Variants in PGAP6 observed in about 807,000 individuals in gnomAD.
PGAP6 encodes the protein post-GPI attachment to proteins 6, also known as post-GPI attachment to proteins factor 6.
PGAP6 carries 62 observed loss-of-function variants against 68.4 expected under a neutral mutation model. The ratio of observed to expected loss-of-function variants is 0.91; its 90% CI spans 0.74 to 1.12. PGAP6 has a LOEUF of 1.12. Ranked by LOEUF, PGAP6 falls within the 50% of genes most tolerant of loss-of-function variation. PGAP6 has a pLI of 0.00. For synonymous variants in PGAP6, 575 were observed against 474.0 expected (o/e 1.21, Z -2.77); for missense variants, 1,188 against 1,068.5 (o/e 1.11, Z -1.56).
At position 371,586 on chromosome 16, in the gene PGAP6, A is replaced by T; in HGVS notation, c.*401T>A. On this transcript the variant is annotated 3_prime_UTR_variant, in exon 13 of 13. Coordinates refer to ENST00000431232, the MANE Select transcript of PGAP6 (RefSeq NM_021259.3). ...AGCTCCCGGCCCCAGTGGTGGGCTC[A>T]GGGCTCCTGGGCGCCATGGGTCTCA... is the stretch of plus-strand genomic sequence containing the variant. 2 of 188,112 alleles carry T rather than the reference A, an allele frequency of 1.1e-5. No individual in the cohort carries two copies. Among genetic ancestry groups the T allele is most frequent in the East Asian group, 1.6e-4 (1 of 6,318 alleles). The allele number at this position is 188,112 out of a possible 1,614,324, so 11.7% of individuals were successfully genotyped here. A position where few individuals can be genotyped will look rare whatever the true frequency, so the allele number is the denominator to read the frequency against.
At chr16:381,104 C>A (rs2054433548) in intron 1 of PGAP6, among the ~76,000 whole-genome samples, 1 of 152,242 alleles carries the variant, frequency 6.6e-6, no homozygotes, top group South Asian at 2.1e-4. Context: ...GCAAAGGGAG[C>A]CCGGCGAGTT....
intron 5 of PGAP6, 27 bp from the exon 6 acceptor site, chr16:376,482 G>A (rs934768653): frequency 3.2e-6 from 5 of 1,546,372 alleles, no homozygotes; most frequent in African/African-American, 1.4e-5. Context: ...GGGTTTGGCT[G>A]GAGGAAAGTC....
In PGAP6 at chr16:371,928, C is replaced by A; in HGVS notation, c.*59G>T. Reference sequence around the variant, plus strand: ...TCCAGGGCTGGACCAGGCGCCTCCCCCTCGATACAGCTCCTGGCTGAAGAG... The same window carrying A: ...TCCAGGGCTGGACCAGGCGCCTCCCACTCGATACAGCTCCTGGCTGAAGAG... On this transcript the variant is annotated 3_prime_UTR_variant, in exon 13 of 13. Coordinates refer to ENST00000431232, the MANE Select transcript of PGAP6 (RefSeq NM_021259.3). The A allele has an allele frequency of 6.4e-7, 1 of 1,563,950 alleles. No individual in the cohort carries two copies. The highest frequency in any genetic ancestry group is 1.2e-5 in the South Asian group (1 of 83,330).
intron 4 of PGAP6, 106 bp downstream of exon 4, chr16:376,931 T>A (rs1193070454): frequency 1.3e-6 from 2 of 1,561,216 alleles, no homozygotes; most frequent in Non-Finnish European, 1.7e-6. Flanking sequence ...CTGGACCACT[T>A]CCCAGCCCAA....
At chr16:382,487 A>G (rs2054452844), upstream of PGAP6, 3 of 369,498 alleles carry the variant, frequency 8.1e-6, no homozygotes, top group Non-Finnish European at 1.4e-5. Context: ...GGTGCGTGTC[A>G]GATCCACGCT....
At chr16:382,695 C>T (rs375493199), upstream of PGAP6, among the ~76,000 whole-genome samples, 59 of 145,538 alleles carry the variant, frequency 4.1e-4, no homozygotes, top group African/African-American at 1.3e-3. Flanking sequence ...AGGGCCAAGT[C>T]GGCTTTTCCA....
At chr16:374,515 G>A in intron 9 of PGAP6, 116 bp from the exon 10 acceptor site, 1 of 1,262,670 alleles carries the variant, frequency 7.9e-7, no homozygotes, top group Non-Finnish European at 1.1e-6. Flanking sequence ...AGCAGGGTAG[G>A]CACGGCGGGC....
rs150636710 is a variant in PGAP6, at chr16:376,581, G to A, written c.867C>T (p.Leu289=). ...CTACAGCACTGAAAGCCACTGTCCC[G>A]AGGGGCCCCACCAGGCTCTCAGCTG... ...QVTAESLVGP[L]GTVAFSAVAA... Residue 289 remains leucine, a synonymous_variant, in exon 5 of 13, where the codon CTC becomes CTT. Transcript: ENST00000431232. The A allele has an allele frequency of 7.1e-5, 111 of 1,573,606 alleles. 1 individual carries two copies. Among genetic ancestry groups the A allele is most frequent in the Middle Eastern group, 3.5e-4 (2 of 5,788 alleles).
chr16:380,141 G>C (rs1007885344), intron 1 of PGAP6, among the ~76,000 whole-genome samples: 1 of 152,212 alleles, frequency 6.6e-6, no homozygotes, highest in Non-Finnish European at 1.5e-5. Context: ...TCCACACACA[G>C]GGGTTCCATC....
At chr16:378,208 ACTGC>A in intron 1 of PGAP6, among the ~76,000 whole-genome samples, 2 of 144,240 alleles carry the variant, frequency 1.4e-5, no homozygotes, top group South Asian at 2.2e-4. Context: ...CGCCACCCTG[ACTGC>A]CATCGCCACC....
At position 381,752 on chromosome 16, in the gene PGAP6, G is replaced by A. The variant is rs1376698682; in HGVS notation, c.70C>T (p.Leu24=). The A allele has an allele frequency of 1.7e-6, 2 of 1,209,798 alleles. No individual in the cohort carries two copies. The highest frequency in any genetic ancestry group is 7.1e-5 in the South Asian group (2 of 28,042). 74.9% of individuals were successfully genotyped at this position (1,209,798 alleles called of 1,614,324 possible). A position where few individuals can be genotyped will look rare whatever the true frequency, so the allele number is the denominator to read the frequency against. The change falls in exon 1 of 13, where the codon CTG becomes TTG. Residue 24 remains leucine (L), a synonymous_variant. Coordinates refer to ENST00000431232, the MANE Select transcript of PGAP6 (RefSeq NM_021259.3). ...GCAGGCGGGGGCCGGGCAAGCAGCA[G>A]CAGCAGCAGCGGCCCCGCCACCACC... The part of the protein sequence containing the change: ...AAVVAGPLLL[L]LLARPPPASA...
chr16:382,059 C>G (rs1226731599), upstream of PGAP6: 7 of 463,720 alleles, frequency 1.5e-5, no homozygotes, highest in Middle Eastern at 7.6e-4. Flanking sequence ...GGGGCGCGGA[C>G]GCCGGGGGGA....
intron 6 of PGAP6, among the ~76,000 whole-genome samples, chr16:375,855 C>G (rs1446438296): frequency 1.3e-5 from 2 of 152,196 alleles, no homozygotes; most frequent in East Asian, 3.9e-4. Context: ...CTCTGAGACT[C>G]CTGCAGGCCC....
At position 376,280 on chromosome 16, in the gene PGAP6, G is replaced by A. The variant is rs761856839; in HGVS notation, c.1080C>T (p.Asp360=). 10 of 1,612,820 alleles carry A rather than the reference G, an allele frequency of 6.2e-6. No individual in the cohort carries two copies. Among genetic ancestry groups the A allele is most frequent in the Non-Finnish European group, 7.6e-6 (9 of 1,179,992 alleles). ...GGAAGTGCACCGACACCACGTCCAT[G>A]TCCTCCCGCGTGACTGGGTAGTTTG... The part of the protein sequence containing the change: ...CLTNYPVTRE[D]MDVVSVHFQP... Residue 360 remains aspartate, a synonymous_variant, in exon 6 of 13, where the codon GAC becomes GAT. Transcript: ENST00000431232.
chr16:381,324 G>A (rs1376254925), intron 1 of PGAP6, among the ~76,000 whole-genome samples: 2 of 152,324 alleles, frequency 1.3e-5, no homozygotes, highest in East Asian at 3.9e-4. Flanking sequence ...GGCCGGACCC[G>A]GCCGGTGAGC....
chr16:374,239 G>A lies in PGAP6; in HGVS notation c.1737C>T (p.Tyr579=), dbSNP rs746097829. The part of the protein sequence containing the change: ...FFLVEASVYA[Y]TMFFSTFYHA... ...AGCCTACCGTGGAGAAGAACATGGT[G>A]TAGGCGTAGACGGAGGCCTCCACCA... The change falls in exon 10 of 13, where the codon TAC becomes TAT. Residue 579 remains tyrosine (Y), a synonymous_variant. Coordinates refer to ENST00000431232, the MANE Select transcript of PGAP6 (RefSeq NM_021259.3). 8.1e-6 allele frequency: 13 copies of A among 1,609,236 alleles called. No individual in the cohort carries two copies. Among genetic ancestry groups the A allele is most frequent in the African/African-American group, 6.7e-5 (5 of 74,888 alleles).
Position 372,148 on chromosome 16 carries a change from A to G in PGAP6, c.2155T>C (p.Tyr719His). The change falls in exon 13 of 13, where the codon TAC becomes CAC. Residue 719 changes from tyrosine to histidine, a missense_variant. Physicochemically the swap from Tyr to His is moderately conservative, Grantham distance 83. Coordinates refer to ENST00000431232, the MANE Select transcript of PGAP6 (RefSeq NM_021259.3). ...ATGTGCCAGATGCTGTGGGTGTAGTAGTAGTTGTCGCTAGTCATCATGGAG... is the reference window on the plus strand; with the variant it reads ...ATGTGCCAGATGCTGTGGGTGTAGTGGTAGTTGTCGCTAGTCATCATGGAG... ...YTSMMTSDNY[Y>H]YTHSIWHILL... The G allele has an allele frequency of 6.2e-7, 1 of 1,612,882 alleles. No individual in the cohort carries two copies. The highest frequency in any genetic ancestry group is 8.5e-7 in the Non-Finnish European group (1 of 1,179,946).
intron 1 of PGAP6, among the ~76,000 whole-genome samples, chr16:378,367 C>G (rs1378702580): frequency 4.1e-4 from 49 of 118,670 alleles, no homozygotes; most frequent in Non-Finnish European, 7.3e-4. Flanking sequence ...CATCCCCACC[C>G]GCACTGCCAT....
intron 1 of PGAP6, 82 bp from the exon 2 acceptor site, chr16:377,930 A>G (rs1046404917): frequency 7.7e-7 from 1 of 1,291,334 alleles, no homozygotes; most frequent in African/African-American, 1.5e-5. Context: ...CCAGATGGAA[A>G]GGGCTGGAAG....
Sources: allele counts gnomAD v4.1 joint callset (sites outside exome capture counted in the v4.1 genomes callset), GRCh38; gene constraint gnomAD v4.1.1; transcripts MANE v1.5; gene names NCBI Gene and HGNC (gene_info 2026-07-23, HGNC 2026-07-21).